Variants in TTC12 observed in about 807,000 individuals in gnomAD.
TTC12 encodes the protein tetratricopeptide repeat domain 12.
A neutral mutation model predicts 90.1 loss-of-function variants in TTC12; 70 were observed. That is an observed-to-expected ratio of 0.78 (90% CI 0.64 to 0.95). TTC12 has a LOEUF of 0.95. Among genes scored for constraint, TTC12 ranks in the 40% least tolerant of loss-of-function variants. The pLI, the probability that TTC12 is intolerant of heterozygous loss-of-function variation, is 0.00. For missense variants in TTC12, 819 were observed against 846.1 expected, an observed-to-expected ratio of 0.97 and a Z score of 0.40; for synonymous variants, 296 against 311.5, an observed-to-expected ratio of 0.95 and a Z score of 0.53.
chr11:113,348,268 G>A (rs540947055), intron 13 of TTC12, among the ~76,000 whole-genome samples: 4 of 152,216 alleles, frequency 2.6e-5, no homozygotes, highest in South Asian at 4.1e-4. Context: ...CTATCCAGTC[G>A]CCTAAGCCAA....
chr11:113,360,523 T>A (rs1196841778), intron 18 of TTC12, among the ~76,000 whole-genome samples: 1 of 152,240 alleles, frequency 6.6e-6, no homozygotes, highest in Non-Finnish European at 1.5e-5. Flanking sequence ...CAATTCTGTG[T>A]CTGACATTTG....
chr11:113,339,942 C>T (rs2137990949), intron 10 of TTC12, among the ~76,000 whole-genome samples: 1 of 152,250 alleles, frequency 6.6e-6, no homozygotes, highest in South Asian at 2.1e-4. Flanking sequence ...CCACAGACAC[C>T]TCAAGCATCC....
rs951529277 is a variant in TTC12 at position 113,359,877 on chromosome 11, C to G, written c.1546-63C>G. ...AAGGAGACGGTGCTCAGAAGAAGCTCCGCTGAGAATTCAGATTGTCAGAAA... is the reference window on the plus strand; with the variant it reads ...AAGGAGACGGTGCTCAGAAGAAGCTGCGCTGAGAATTCAGATTGTCAGAAA... On this transcript the variant is annotated intron_variant, in intron 17 of 21. Coordinates refer to ENST00000529221, the MANE Select transcript of TTC12 (RefSeq NM_017868.4). 5 of 1,350,814 alleles carry G rather than the reference C, an allele frequency of 3.7e-6. No homozygotes were observed. The African/African-American group carries it at 5.8e-5, about 16-fold the overall frequency. 83.7% of individuals were successfully genotyped at this position (1,350,814 alleles called of 1,614,324 possible).
chr11:113,341,902 GGCAA>G lies in TTC12; in HGVS notation c.966_969del (p.Ala323CysfsTer12), dbSNP rs781991280. On this transcript the variant is annotated frameshift_variant, in exon 12 of 22. Transcript: ENST00000529221. LOFTEE classifies it high-confidence loss of function. ...GTCTGTGTGTCTGTTCTCAAGCTCT[GGCAA>G]GCAGTGTGCAGCAGGAACGGTAAGC... 1 of 1,614,180 alleles carries G rather than the reference GGCAA, an allele frequency of 6.2e-7. No individual in the cohort carries two copies. The highest frequency in any genetic ancestry group is 1.3e-5 in the African/African-American group (1 of 75,042).
chr11:113,346,646 C>T (rs1555148221), intron 13 of TTC12, among the ~76,000 whole-genome samples: 2 of 150,710 alleles, frequency 1.3e-5, no homozygotes. Context: ...CATGCTACCC[C>T]TAGTGGAAAA....
intron 13 of TTC12, among the ~76,000 whole-genome samples, chr11:113,347,438 C>T (rs539303022): frequency 4.6e-5 from 7 of 152,244 alleles, no homozygotes; most frequent in South Asian, 4.1e-4. Flanking sequence ...TGGGCACTAA[C>T]GCAGCTAATA....
chr11:113,363,985 C>A, intron 20 of TTC12, 58 bp downstream of exon 20: 2 of 1,209,258 alleles, frequency 1.7e-6, no homozygotes, highest in Non-Finnish European at 1.2e-6. Flanking sequence ...ACCCTTGAAG[C>A]TGCAAAGGGA....
chr11:113,351,323 C>A, intron 15 of TTC12, 24 bp downstream of exon 15: 2 of 1,606,692 alleles, frequency 1.2e-6, no homozygotes, highest in Non-Finnish European at 8.5e-7. Flanking sequence ...CATTTTCATC[C>A]TCTGTAACAG....
At chr11:113,324,091 CTTAAA>C (rs1947531469) in intron 4 of TTC12, 76 bp downstream of exon 4, 1 of 1,213,362 alleles carries the variant, frequency 8.2e-7, no homozygotes, top group African/African-American at 1.5e-5. Flanking sequence ...CTCCCAGACC[CTTAAA>C]TTATTGCCTT....
chr11:113,337,778 A>G (rs1256031579), intron 8 of TTC12, among the ~76,000 whole-genome samples: 1 of 152,166 alleles, frequency 6.6e-6, no homozygotes, highest in Non-Finnish European at 1.5e-5. Flanking sequence ...TGATAAGGCT[A>G]TTGCAATAAA....
At chr11:113,368,669 T>C, downstream of TTC12, 1 of 659,092 alleles carries the variant, frequency 1.5e-6, no homozygotes, top group Non-Finnish European at 2.7e-6. Flanking sequence ...GGTTCAGAGT[T>C]GAGAGGAAAC....
chr11:113,316,653 C>T (rs1353501854), intron 2 of TTC12, among the ~76,000 whole-genome samples: 2 of 152,224 alleles, frequency 1.3e-5, no homozygotes, highest in African/African-American at 2.4e-5. Flanking sequence ...TCAAGAACCT[C>T]ATTGATCAGT....
At chr11:113,362,090 T>C (rs150247747) in intron 18 of TTC12, among the ~76,000 whole-genome samples, 87 of 152,208 alleles carry the variant, frequency 5.7e-4, no homozygotes, top group African/African-American at 2.0e-3. Context: ...AACATCTCCT[T>C]ATAAAGGGCC....
intron 16 of TTC12, among the ~76,000 whole-genome samples, chr11:113,352,657 C>T (rs959928288): frequency 1.3e-5 from 2 of 152,052 alleles, no homozygotes; most frequent in African/African-American, 4.8e-5. Context: ...TATATGACCA[C>T]GTGTTCTCAT....
rs781900565 is a variant in TTC12, at chr11:113,359,416, G to A, written c.1500G>A (p.Leu500=). Residue 500 remains leucine (L), a synonymous_variant, in exon 17 of 22, where the codon CTG becomes CTA. Transcript: ENST00000529221. The part of the protein sequence containing the change: ...DLFREVIYTL[L]GLMMNLCLQA... ...TCAGAGAGGTTATCTACACACTCCTGGGACTCATGATGAACCTGTGTCTTC... is the reference window on the plus strand; with the variant it reads ...TCAGAGAGGTTATCTACACACTCCTAGGACTCATGATGAACCTGTGTCTTC... 71 of 1,613,704 alleles carry A rather than the reference G, an allele frequency of 4.4e-5. No individual in the cohort carries two copies. The South Asian group carries it at 7.7e-4, about 17-fold the overall frequency.
Position 113,323,996 on chromosome 11 carries a change from T to C in TTC12, c.225T>C (p.Ser75=), listed in dbSNP as rs782126694. 16 of 1,612,342 alleles carry C rather than the reference T, an allele frequency of 9.9e-6. No homozygotes were observed. The African/African-American group carries it at 2.0e-4, about 20-fold the overall frequency. ...TTTATGGTAACCTACGTCTACAGAG[T>C]GCAGAAGAAATAAACTCAGGTAAGG... ...MISPPQTAMK[S]AEEINSEAFL... The change falls in exon 4 of 22, where the codon AGT becomes AGC. Residue 75 remains serine (S), a splice_region_variant and synonymous_variant. Coordinates refer to ENST00000529221, the MANE Select transcript of TTC12 (RefSeq NM_017868.4).
chr11:113,339,295 A>G lies in TTC12; in HGVS notation c.647A>G (p.Asn216Ser), dbSNP rs367873206. The change falls in exon 10 of 22, where the codon AAT (asparagine) becomes AGT (serine). Residue 216 changes from asparagine (N) to serine (S), a missense_variant. By Grantham distance (46) the Asn-to-Ser change is conservative. Transcript: ENST00000529221. ...TTTCTTGTTTTTCTAGGTTACCTGA[A>G]TCAAGTAGATCTTCAGGAAAAAGCA... Reference protein sequence around the residue: ...KLQTQVKGYLNQVDLQEKADL... With the variant: ...KLQTQVKGYLSQVDLQEKADL... 15 of 1,603,710 alleles carry G rather than the reference A, an allele frequency of 9.4e-6. No homozygotes were observed. In the African/African-American group the frequency reaches 1.8e-4, roughly 19 times the overall value.
At chr11:113,352,335 T>C (rs552158121) in intron 16 of TTC12, 128 bp downstream of exon 16, 8 of 1,166,958 alleles carry the variant, frequency 6.9e-6, no homozygotes, top group African/African-American at 1.6e-5. Flanking sequence ...GGCTTATCCC[T>C]TCTGTAACCA....
downstream of TTC12, among the ~76,000 whole-genome samples, chr11:113,367,003 C>A (rs1038827228): frequency 9.2e-5 from 14 of 152,220 alleles, no homozygotes; most frequent in Non-Finnish European, 1.6e-4. Context: ...CTACAGTGAA[C>A]CCTGACTGAT....
Sources: allele counts gnomAD v4.1 joint callset (sites outside exome capture counted in the v4.1 genomes callset), GRCh38; gene constraint gnomAD v4.1.1; transcripts MANE v1.5; gene names NCBI Gene and HGNC (gene_info 2026-07-23, HGNC 2026-07-21).